Variants in PPA1 observed in about 807,000 individuals in gnomAD.
PPA1 encodes the protein inorganic pyrophosphatase 1.
PPA1 carries 23 observed loss-of-function variants against 41.8 expected under a neutral mutation model. The observed-to-expected ratio is 0.55, with a 90% CI of 0.40 to 0.78. PPA1 has a LOEUF of 0.78. PPA1 is among the 30% of genes least tolerant of loss of function. The probability of loss-of-function intolerance (pLI) is 0.00; values close to 1 mark genes in which losing one functional copy is unlikely to be tolerated. For synonymous variants in PPA1, 101 were observed against 116.8 expected (o/e 0.86, Z 0.87); for missense variants, 320 against 361.6 (o/e 0.89, Z 0.93).
At chr10:70,229,739 G>A (rs1473122444) in intron 2 of PPA1, among the ~76,000 whole-genome samples, 1 of 151,954 alleles carries the variant, frequency 6.6e-6, no homozygotes, top group Non-Finnish European at 1.5e-5. Flanking sequence ...CAGTAATGAA[G>A]TATTACGACT....
rs1171481520 is a variant in PPA1 at position 70,220,658 on chromosome 10, T to TTA, written c.124-1843_124-1842dup. On this transcript the variant is annotated intron_variant, in intron 2 of 10. Coordinates refer to ENST00000373232, the MANE Select transcript of PPA1 (RefSeq NM_021129.4). The stretch of plus-strand genomic sequence containing the variant: ...ATAATATATATAATTTATATATATA[T>TTA]TATATATAATTTATATATATATAAT... Among the ~76,000 whole-genome samples, 9 of 1,336 alleles carry TTA rather than the reference T, an allele frequency of 6.7e-3. 3 individuals carry two copies. The highest frequency in any genetic ancestry group is 0.012 in the African/African-American group (4 of 332). The allele number at this position is 1,336 out of a possible 152,430, so 0.9% of individuals were successfully genotyped here.
intron 9 of PPA1, 121 bp downstream of exon 9, chr10:70,206,143 A>G (rs1839936587): frequency 4.0e-6 from 3 of 741,182 alleles, no homozygotes; most frequent in Non-Finnish European, 2.3e-6. Flanking sequence ...AAGACTCCAC[A>G]CAGTAACATG....
intron 8 of PPA1, among the ~76,000 whole-genome samples, chr10:70,206,894 GGGGA>G (rs1839950355): frequency 8.3e-6 from 1 of 120,772 alleles, no homozygotes; most frequent in Non-Finnish European, 1.7e-5. Flanking sequence ...GGGGAGGGGA[GGGGA>G]GGAGAGGACG....
At chr10:70,216,970 C>T (rs1468697278) in intron 4 of PPA1, among the ~76,000 whole-genome samples, 1 of 152,028 alleles carries the variant, frequency 6.6e-6, no homozygotes, top group Admixed American at 6.6e-5. Context: ...AGATCGAGAC[C>T]ATCTGGCTAA....
chr10:70,220,083 C>T (rs1160885736), intron 2 of PPA1, among the ~76,000 whole-genome samples: 1 of 150,842 alleles, frequency 6.6e-6, no homozygotes, highest in Non-Finnish European at 1.5e-5. Flanking sequence ...GGGCGTGCCA[C>T]TACACCTGGC....
At position 70,208,569 on chromosome 10, in the gene PPA1, T is replaced by C. The variant is rs116798679; in HGVS notation, c.725+636A>G. On this transcript the variant is annotated intron_variant, in intron 8 of 10. Transcript: ENST00000373232. ...GTCTCCAATTCCTGAGTTCAAGTGA[T>C]CCTCCTGCCTCAGCCTCCTAAAGTG... Among the ~76,000 whole-genome samples the C allele has an allele frequency of 7.0e-3, 1,070 of 152,118 alleles. 6 individuals are homozygous for C. The highest frequency in any genetic ancestry group is 0.025 in the African/African-American group (1,026 of 41,484).
chr10:70,233,308 T>A lies in PPA1; in HGVS notation c.20A>T (p.Glu7Val). The change falls in exon 1 of 11, where the codon GAG becomes GTG. Residue 7 changes from glutamate to valine, a missense_variant. Transcript: ENST00000373232. The stretch of plus-strand genomic sequence containing the variant: ...CAGGGAGAAGGGCGCGGCGCGCTCC[T>A]CGGTGCTGAAGCCGCTCATAGTGCC... The part of the protein sequence containing the change: MSGFST[E>V]ERAAPFSLEY... 2 of 1,541,382 alleles carry A rather than the reference T, an allele frequency of 1.3e-6. No individual in the cohort carries two copies. Among genetic ancestry groups the A allele is most frequent in the Admixed American group, 4.0e-5 (2 of 50,468 alleles).
intron 1 of PPA1, 58 bp from the exon 2 acceptor site, chr10:70,230,457 C>T: frequency 6.7e-7 from 1 of 1,496,624 alleles, no homozygotes; most frequent in East Asian, 2.5e-5. Context: ...TAAATGCCCA[C>T]AGTACACATT....
chr10:70,231,824 A>G (rs1355674265), intron 1 of PPA1, among the ~76,000 whole-genome samples: 1 of 152,232 alleles, frequency 6.6e-6, no homozygotes, highest in Non-Finnish European at 1.5e-5. Flanking sequence ...TTCTAGGAGT[A>G]GCTTTGGTCT....
At chr10:70,211,394 C>T (rs1219510516) in intron 6 of PPA1, among the ~76,000 whole-genome samples, 1 of 152,182 alleles carries the variant, frequency 6.6e-6, no homozygotes, top group South Asian at 2.1e-4. Context: ...CTCAGTCTCA[C>T]AAGACTGCCC....
intron 2 of PPA1, among the ~76,000 whole-genome samples, chr10:70,226,781 T>C (rs557632507): frequency 6.6e-6 from 1 of 152,192 alleles, no homozygotes; most frequent in Non-Finnish European, 1.5e-5. Flanking sequence ...AATGCATTTA[T>C]GCCAAATTGC....
chr10:70,226,289 T>G lies in PPA1; in HGVS notation c.123+4052A>C, dbSNP rs374170768. 2.6e-5 allele frequency among the ~76,000 whole-genome samples: 4 copies of G among 152,316 alleles called. No individual in the cohort carries two copies. In the South Asian group the frequency reaches 8.3e-4, roughly 32 times the overall value. ...TGTCATGTCATAATTAAGAATAAGC[T>G]GCTGGCTGGGTGTGGGAGCGCACAC... On this transcript the variant is annotated intron_variant, in intron 2 of 10. Coordinates refer to ENST00000373232, the MANE Select transcript of PPA1 (RefSeq NM_021129.4).
At chr10:70,227,097 T>G (rs1324105281) in intron 2 of PPA1, among the ~76,000 whole-genome samples, 1 of 152,380 alleles carries the variant, frequency 6.6e-6, no homozygotes, top group East Asian at 1.9e-4. Context: ...TACCATGTTT[T>G]GGAAAATTTC....
intron 2 of PPA1, among the ~76,000 whole-genome samples, 153 bp downstream of exon 2, chr10:70,230,188 C>T (rs1840274366): frequency 6.6e-6 from 1 of 152,110 alleles, no homozygotes; most frequent in Non-Finnish European, 1.5e-5. Context: ...GGATTACAGG[C>T]GTGAGCCACC....
At chr10:70,232,031 T>A (rs1840294456) in intron 1 of PPA1, among the ~76,000 whole-genome samples, 1 of 152,330 alleles carries the variant, frequency 6.6e-6, no homozygotes, top group African/African-American at 2.4e-5. Flanking sequence ...AGTCAAAAGT[T>A]ACTGGACTGT....
Position 70,233,123 on chromosome 10 carries a change from C to T in PPA1, c.64+141G>A, listed in dbSNP as rs925881489. 17 of 955,500 alleles carry T rather than the reference C, an allele frequency of 1.8e-5. 1 individual carries two copies. In the South Asian group the frequency reaches 2.8e-4, roughly 16 times the overall value. The allele number at this position is 955,500 out of a possible 1,614,324, so 59.2% of individuals were successfully genotyped here. A position where few individuals can be genotyped will look rare whatever the true frequency, so the allele number is the denominator to read the frequency against. ...CGGCAAGTATGCAATGTGAGGCCGGCCAGGCCCCACAACGCGCCCGAGGAG... is the reference window on the plus strand; with the variant it reads ...CGGCAAGTATGCAATGTGAGGCCGGTCAGGCCCCACAACGCGCCCGAGGAG... On this transcript the variant is annotated intron_variant, in intron 1 of 10. Coordinates refer to ENST00000373232, the MANE Select transcript of PPA1 (RefSeq NM_021129.4).
At position 70,233,309 on chromosome 10, in the gene PPA1, C is replaced by G. The variant is rs772262195; in HGVS notation, c.19G>C (p.Glu7Gln). Residue 7 changes from glutamate (E) to glutamine (Q), a missense_variant, in exon 1 of 11, where the codon GAG (glutamate) becomes CAG (glutamine). Transcript: ENST00000373232. ...AGGGAGAAGGGCGCGGCGCGCTCCT[C>G]GGTGCTGAAGCCGCTCATAGTGCCG... MSGFST[E>Q]ERAAPFSLEY... The G allele has an allele frequency of 4.5e-6, 7 of 1,541,074 alleles. No homozygotes were observed. In the African/African-American group the frequency reaches 9.8e-5, roughly 21 times the overall value.
rs1491241237 is a variant in PPA1 at position 70,220,561 on chromosome 10, A to AT, written c.124-1745dup. On this transcript the variant is annotated intron_variant, in intron 2 of 10. Coordinates refer to ENST00000373232, the MANE Select transcript of PPA1 (RefSeq NM_021129.4). Reference sequence around the variant, plus strand: ...AATTTTTATGTATAATATATATATAATTATATATATAATATATATAATTAT... The same window carrying AT: ...AATTTTTATGTATAATATATATATAATTTATATATATAATATATATAATTAT... 2.3e-4 allele frequency among the ~76,000 whole-genome samples: 14 copies of AT among 60,530 alleles called. 3 individuals are homozygous for AT. 39.7% of individuals were successfully genotyped at this position (60,530 alleles called of 152,430 possible). A position where few individuals can be genotyped will look rare whatever the true frequency, so the allele number is the denominator to read the frequency against.
chr10:70,215,971 T>C (rs972707728), intron 4 of PPA1, among the ~76,000 whole-genome samples: 1 of 152,208 alleles, frequency 6.6e-6, no homozygotes, highest in African/African-American at 2.4e-5. Context: ...GTTTAAAATG[T>C]AGCTGTTGCA....
Sources: allele counts gnomAD v4.1 joint callset (sites outside exome capture counted in the v4.1 genomes callset), GRCh38; gene constraint gnomAD v4.1.1; transcripts MANE v1.5; gene names NCBI Gene and HGNC (gene_info 2026-07-23, HGNC 2026-07-21).